The following TOMM40L variants were observed in gnomAD, a reference collection of about 807,000 sequenced individuals.
TOMM40L encodes mitochondrial import receptor subunit TOM40B.
A neutral mutation model predicts 38.3 loss-of-function variants in TOMM40L; 17 were observed. The observed-to-expected ratio is 0.44, with a 90% CI of 0.30 to 0.67. TOMM40L has a LOEUF of 0.67. Among genes scored for constraint, TOMM40L ranks in the 30% least tolerant of loss-of-function variants. The pLI is 0.08. For missense variants in TOMM40L, 294 were observed against 390.0 expected (o/e 0.75, Z 2.07); for synonymous variants, 151 against 150.2 (o/e 1.01, Z -0.04).
rs760125469 is a variant in TOMM40L, at chr1:161,229,926, C to A, written c.*831C>A. On this transcript the variant is annotated 3_prime_UTR_variant, in exon 10 of 10. Coordinates refer to ENST00000367988, the MANE Select transcript of TOMM40L (RefSeq NM_032174.6). The stretch of plus-strand genomic sequence containing the variant: ...GGCCTAGCAACTTCGCATACAGAAA[C>A]CTTTGGAGGAAGTAGTGGGGTTGCC... 1.2e-6 allele frequency: 2 copies of A among 1,614,016 alleles called. No individual in the cohort carries two copies. The highest frequency in any genetic ancestry group is 1.7e-5 in the Admixed American group (1 of 59,984).
In TOMM40L at chr1:161,228,101, G is replaced by T. The variant is rs959534973; in HGVS notation, c.485-85G>T. The T allele has an allele frequency of 4.4e-6, 7 of 1,584,690 alleles. No homozygotes were observed. The African/African-American group carries it at 6.8e-5, about 15-fold the overall frequency. ...TTTAGAAAAGGAACTTCTTGGGCAG[G>T]CTGGGGTGGCGGTTATTGGGAGTGA... is the stretch of plus-strand genomic sequence containing the variant. On this transcript the variant is annotated intron_variant, in intron 6 of 9. Transcript: ENST00000367988.
In TOMM40L at chr1:161,230,686, A is replaced by G. The variant is rs1000743440; in HGVS notation, c.*1591A>G. 1.6e-6 allele frequency: 2 copies of G among 1,265,490 alleles called. No individual in the cohort carries two copies. The highest frequency in any genetic ancestry group is 1.9e-5 in the Admixed American group (1 of 51,808). 78.4% of individuals were successfully genotyped at this position (1,265,490 alleles called of 1,614,324 possible). On this transcript the variant is annotated 3_prime_UTR_variant, in exon 10 of 10. Coordinates refer to ENST00000367988, the MANE Select transcript of TOMM40L (RefSeq NM_032174.6). ...GAGACAGGGATGGCCAGGGGGAAGG[A>G]CTAGACCCCACGATACCTGAATTCC...
Position 161,228,641 on chromosome 1 carries a change from G to A in TOMM40L, c.685-74G>A, listed in dbSNP as rs1382680356. 8 of 1,578,150 alleles carry A rather than the reference G, an allele frequency of 5.1e-6. No homozygotes were observed. The African/African-American group carries it at 1.1e-4, about 21-fold the overall frequency. On this transcript the variant is annotated intron_variant, in intron 8 of 9. Transcript: ENST00000367988. ...ATATTTACATGCATGCCTCCATTCT[G>A]CTGATTCCCCATCAGGACCCTTCTG...
intron 1 of TOMM40L, 49 bp downstream of exon 1, chr1:161,226,185 A>C: frequency 3.3e-6 from 1 of 302,962 alleles, no homozygotes. Context: ...CCTGGGAATG[A>C]AGAATAGAGA....
At chr1:161,227,465 T>C (rs77010809) in intron 4 of TOMM40L, 115 bp downstream of exon 4, 2 of 1,117,354 alleles carry the variant, frequency 1.8e-6, no homozygotes, top group Non-Finnish European at 2.6e-6. Flanking sequence ...TGATTCTCTG[T>C]GTCTTTTCTG....
Position 161,229,014 on chromosome 1 carries a change from G to A in TOMM40L, c.846G>A (p.Leu282=). The change falls in exon 10 of 10, where the codon CTG becomes CTA. Residue 282 remains leucine (L), a synonymous_variant. Transcript: ENST00000367988. The part of the protein sequence containing the change: ...GAVLEKKMPP[L]PVTLALGAFL... ...TGCTGGAGAAGAAGATGCCCCCTCTGCCTGTCACCCTAGCCCTTGGAGCCT... is the reference window on the plus strand; with the variant it reads ...TGCTGGAGAAGAAGATGCCCCCTCTACCTGTCACCCTAGCCCTTGGAGCCT... The A allele has an allele frequency of 6.2e-7, 1 of 1,614,180 alleles. No individual in the cohort carries two copies. The highest frequency in any genetic ancestry group is 8.5e-7 in the Non-Finnish European group (1 of 1,180,030).
chr1:161,228,259 G>T lies in TOMM40L; in HGVS notation c.558G>T (p.Arg186=), dbSNP rs767979892. 6.2e-7 allele frequency: 1 copy of T among 1,607,400 alleles called. No individual in the cohort carries two copies. The highest frequency in any genetic ancestry group is 8.5e-7 in the Non-Finnish European group (1 of 1,175,958). The change falls in exon 7 of 10, where the codon CGG becomes CGT. Residue 186 remains arginine (R), a synonymous_variant. Transcript: ENST00000367988. ...LVLGGELVYH[R]RPGEEGAILT... is the part of the protein sequence containing the mutation. Reference sequence around the variant, plus strand: ...TGGGAGGAGAGCTAGTTTATCACCGGCGGCCAGGCGAAGAGGGGGCCATCT... The same window carrying T: ...TGGGAGGAGAGCTAGTTTATCACCGTCGGCCAGGCGAAGAGGGGGCCATCT...
intron 7 of TOMM40L, 21 bp downstream of exon 7, chr1:161,228,329 G>C (rs1666522648): frequency 6.2e-7 from 1 of 1,606,844 alleles, no homozygotes; most frequent in South Asian, 1.1e-5. Flanking sequence ...AAGTGAAGTA[G>C]TGGTGGTGGT....
chr1:161,228,268 C>G lies in TOMM40L; in HGVS notation c.567C>G (p.Gly189=), dbSNP rs137990738. Residue 189 remains glycine, a synonymous_variant, in exon 7 of 10, where the codon GGC becomes GGG. Transcript: ENST00000367988. ...GGELVYHRRP[G]EEGAILTLAG... The stretch of plus-strand genomic sequence containing the variant: ...AGCTAGTTTATCACCGGCGGCCAGG[C>G]GAAGAGGGGGCCATCTTGACACTGG... The G allele has an allele frequency of 6.2e-7, 1 of 1,606,686 alleles. No homozygotes were observed. Among genetic ancestry groups the G allele is most frequent in the East Asian group, 2.2e-5 (1 of 44,794 alleles).
chr1:161,229,951 C>A lies in TOMM40L; in HGVS notation c.*856C>A. 6.2e-7 allele frequency: 1 copy of A among 1,613,564 alleles called. No individual in the cohort carries two copies. The highest frequency in any genetic ancestry group is 1.1e-5 in the South Asian group (1 of 90,982). The stretch of plus-strand genomic sequence containing the variant: ...CCTTTGGAGGAAGTAGTGGGGTTGC[C>A]AGGAAAACAGGAGGGAAATAAGGCA... On this transcript the variant is annotated 3_prime_UTR_variant, in exon 10 of 10. Transcript: ENST00000367988.
chr1:161,229,796 C>T lies in TOMM40L; in HGVS notation c.*701C>T. The T allele has an allele frequency of 1.2e-6, 2 of 1,614,208 alleles. No individual in the cohort carries two copies. Among genetic ancestry groups the T allele is most frequent in the Non-Finnish European group, 1.7e-6 (2 of 1,180,042 alleles). ...AGCTGGGGAAGGAAGTGAGCATGGCCTCAGCTGCAGATCTCCTGGAGCAGC... is the reference window on the plus strand; with the variant it reads ...AGCTGGGGAAGGAAGTGAGCATGGCTTCAGCTGCAGATCTCCTGGAGCAGC... On this transcript the variant is annotated 3_prime_UTR_variant, in exon 10 of 10. Coordinates refer to ENST00000367988, the MANE Select transcript of TOMM40L (RefSeq NM_032174.6).
rs375555927 is a variant in TOMM40L, at chr1:161,227,636, G to T, written c.277G>T (p.Val93Leu). The T allele has an allele frequency of 1.2e-6, 2 of 1,611,418 alleles. No homozygotes were observed. The highest frequency in any genetic ancestry group is 1.7e-6 in the Non-Finnish European group (2 of 1,178,128). The change falls in exon 5 of 10, where the codon GTG (valine) becomes TTG (leucine). Residue 93 changes from valine to leucine, a missense_variant and splice_region_variant. Physicochemically the swap from Val to Leu is conservative, Grantham distance 32. Transcript: ENST00000367988. The stretch of plus-strand genomic sequence containing the variant: ...TACTACTGTGTACACCCTTCCACAG[G>T]TGTTCCCCACTGTGGTAGGGGATAT... ...AGDWQLSPTE[V>L]FPTVVGDMDS... is the part of the protein sequence containing the mutation.
chr1:161,228,289 A>G lies in TOMM40L; in HGVS notation c.588A>G (p.Thr196=), dbSNP rs1199741086. The stretch of plus-strand genomic sequence containing the variant: ...CAGGCGAAGAGGGGGCCATCTTGAC[A>G]CTGGCTGGGAAGTACTCGGGTATGG... The part of the protein sequence containing the change: ...RRPGEEGAIL[T]LAGKYSAVHW... Residue 196 remains threonine, a synonymous_variant, in exon 7 of 10, where the codon ACA becomes ACG. Coordinates refer to ENST00000367988, the MANE Select transcript of TOMM40L (RefSeq NM_032174.6). 4 of 1,606,044 alleles carry G rather than the reference A, an allele frequency of 2.5e-6. No individual in the cohort carries two copies. Among genetic ancestry groups the G allele is most frequent in the African/African-American group, 1.3e-5 (1 of 74,866 alleles).
At chr1:161,227,113 T>C in intron 3 of TOMM40L, 145 bp from the exon 4 acceptor site, 2 of 1,186,184 alleles carry the variant, frequency 1.7e-6, no homozygotes, top group Non-Finnish European at 1.2e-6. Flanking sequence ...GACTTGTTGC[T>C]TTTAATCCGA....
intron 4 of TOMM40L, 38 bp downstream of exon 4, chr1:161,227,388 C>T (rs2102076519): frequency 1.3e-6 from 2 of 1,589,226 alleles, no homozygotes; most frequent in Non-Finnish European, 1.7e-6. Flanking sequence ...TCCCTAAAAA[C>T]CAATCTGGGA....
Position 161,227,953 on chromosome 1 carries a change from C to G in TOMM40L, c.448C>G (p.Leu150Val). The G allele has an allele frequency of 6.2e-7, 1 of 1,614,164 alleles. No individual in the cohort carries two copies. Among genetic ancestry groups the G allele is most frequent in the South Asian group, 1.1e-5 (1 of 91,078 alleles). ...EYRGDDYTAT[L>V]TLGNPDLIGE... The stretch of plus-strand genomic sequence containing the variant: ...TCGGGGAGATGACTACACAGCCACT[C>G]TGACCCTAGGAAATCCTGACCTGAT... Residue 150 changes from leucine (L) to valine (V), a missense_variant, in exon 6 of 10, where the codon CTG becomes GTG. Coordinates refer to ENST00000367988, the MANE Select transcript of TOMM40L (RefSeq NM_032174.6).
At position 161,226,469 on chromosome 1, in the gene TOMM40L, T is replaced by A. The variant is rs746825653; in HGVS notation, c.-21T>A. Reference sequence around the variant, plus strand: ...TCCTTTCACAGGCTAACCTCGGCTCTTCCCAGTCCTCTGGACTAAAATGGG... The same window carrying A: ...TCCTTTCACAGGCTAACCTCGGCTCATCCCAGTCCTCTGGACTAAAATGGG... On this transcript the variant is annotated 5_prime_UTR_variant, in exon 2 of 10. Transcript: ENST00000367988. 6.2e-7 allele frequency: 1 copy of A among 1,603,984 alleles called. No individual in the cohort carries two copies. Among genetic ancestry groups the A allele is most frequent in the African/African-American group, 1.3e-5 (1 of 74,594 alleles).
chr1:161,229,814 G>A lies in TOMM40L; in HGVS notation c.*719G>A. 1 of 1,614,224 alleles carries A rather than the reference G, an allele frequency of 6.2e-7. No individual in the cohort carries two copies. The highest frequency in any genetic ancestry group is 8.5e-7 in the Non-Finnish European group (1 of 1,180,046). ...GCATGGCCTCAGCTGCAGATCTCCT[G>A]GAGCAGCGGCATCATGGCAGACAGG... On this transcript the variant is annotated 3_prime_UTR_variant, in exon 10 of 10. Transcript: ENST00000367988.
In TOMM40L at chr1:161,230,665, C is replaced by T. The variant is rs1291305799; in HGVS notation, c.*1570C>T. On this transcript the variant is annotated 3_prime_UTR_variant, in exon 10 of 10. Transcript: ENST00000367988. The stretch of plus-strand genomic sequence containing the variant: ...ATTTGGATGCTGAAACGATGTGAGA[C>T]AGGGATGGCCAGGGGGAAGGACTAG... 2.6e-5 allele frequency: 25 copies of T among 968,738 alleles called. No homozygotes were observed. The highest frequency in any genetic ancestry group is 3.8e-5 in the Non-Finnish European group (25 of 656,440). 60.0% of individuals were successfully genotyped at this position (968,738 alleles called of 1,614,324 possible). A position where few individuals can be genotyped will look rare whatever the true frequency, so the allele number is the denominator to read the frequency against.
Sources: gnomAD v4.1 joint callset for allele counts on GRCh38, gnomAD v4.1.1 for gene constraint, MANE v1.5 for transcripts, NCBI Gene and HGNC (gene_info 2026-07-23, HGNC 2026-07-21) for gene names.